Variants in PPARGC1A observed in about 807,000 individuals in gnomAD.
The protein encoded by PPARGC1A is peroxisome proliferator-activated receptor gamma coactivator 1-alpha.
Under a neutral mutation model 88.7 loss-of-function variants are expected in PPARGC1A, and 25 were observed. That is an observed-to-expected ratio of 0.28 (90% CI 0.21 to 0.39). The LOEUF (loss-of-function observed/expected upper bound fraction) is 0.39. PPARGC1A is among the 10% of genes least tolerant of loss of function. The probability of loss-of-function intolerance (pLI) is 1.00; values close to 1 mark genes in which losing one functional copy is unlikely to be tolerated. For missense variants in PPARGC1A, 880 were observed against 968.7 expected (o/e 0.91, Z 1.22); for synonymous variants, 363 against 355.6 (o/e 1.02, Z -0.24).
At chr4:23,937,876 A>G in the PPARGC1A span, among the ~76,000 whole-genome samples, 5 of 152,272 alleles carry the variant, frequency 3.3e-5, no homozygotes, top group East Asian at 9.7e-4. Context: ...CAATTATACG[A>G]CTTCTCATTA....
chr4:23,976,419 G>A, the PPARGC1A span, among the ~76,000 whole-genome samples: 2 of 152,162 alleles, frequency 1.3e-5, no homozygotes, highest in East Asian at 3.9e-4. Flanking sequence ...TCTTGGAAGT[G>A]AAGTGTATAA....
the PPARGC1A span, among the ~76,000 whole-genome samples, chr4:24,043,994 T>C: frequency 6.6e-6 from 1 of 152,204 alleles, no homozygotes; most frequent in African/African-American, 2.4e-5. Context: ...CTTCTGAGTA[T>C]ATCATCCATG....
chr4:24,245,163 C>T, the PPARGC1A span, among the ~76,000 whole-genome samples: 8 of 152,206 alleles, frequency 5.3e-5, no homozygotes, highest in East Asian at 5.8e-4. Flanking sequence ...TCATGAATAA[C>T]GCAATGTGCT....
chr4:24,333,454 T>C, the PPARGC1A span, among the ~76,000 whole-genome samples: 1 of 152,280 alleles, frequency 6.6e-6, no homozygotes, highest in African/African-American at 2.4e-5. Context: ...TTCCTAATCA[T>C]TTTATAATTC....
chr4:24,454,077 C>A, the PPARGC1A span, among the ~76,000 whole-genome samples: 1 of 151,822 alleles, frequency 6.6e-6, no homozygotes, highest in African/African-American at 2.4e-5. Context: ...TAAGCCTGGG[C>A]TAGCTTACTG....
the PPARGC1A span, among the ~76,000 whole-genome samples, chr4:24,418,411 T>C: frequency 2.0e-5 from 3 of 152,208 alleles, no homozygotes; most frequent in Admixed American, 6.5e-5. Context: ...AACAAATGTA[T>C]ACTGAAGTCC....
At chr4:23,917,552 T>C in the PPARGC1A span, among the ~76,000 whole-genome samples, 1 of 151,488 alleles carries the variant, frequency 6.6e-6, no homozygotes, top group Non-Finnish European at 1.5e-5. Flanking sequence ...CTTGATCTCC[T>C]GACCTCGTGA....
the PPARGC1A span, among the ~76,000 whole-genome samples, chr4:24,064,189 A>C: frequency 6.6e-6 from 1 of 152,194 alleles, no homozygotes; most frequent in Non-Finnish European, 1.5e-5. Context: ...AAAAACTTAG[A>C]AGAGGAATTC....
chr4:23,839,728 G>C (rs567747958), intron 2 of PPARGC1A, among the ~76,000 whole-genome samples: 1 of 152,094 alleles, frequency 6.6e-6, no homozygotes, highest in Non-Finnish European at 1.5e-5. Context: ...GTTCCACGTG[G>C]GTGGGAGGCC....
chr4:24,301,868 A>C, the PPARGC1A span, among the ~76,000 whole-genome samples: 1 of 152,122 alleles, frequency 6.6e-6, no homozygotes, highest in Non-Finnish European at 1.5e-5. Flanking sequence ...AATCTAACAC[A>C]GTACTGAGCA....
At chr4:23,988,948 AATAT>A in the PPARGC1A span, among the ~76,000 whole-genome samples, 1 of 147,598 alleles carries the variant, frequency 6.8e-6, no homozygotes, top group African/African-American at 2.5e-5. Flanking sequence ...TAATATATAA[AATAT>A]ATACTATATG....
At chr4:24,439,121 T>C in the PPARGC1A span, among the ~76,000 whole-genome samples, 1 of 152,134 alleles carries the variant, frequency 6.6e-6, no homozygotes, top group Non-Finnish European at 1.5e-5. Flanking sequence ...TTCTGCAGTT[T>C]GGAAAGCACA....
the PPARGC1A span, among the ~76,000 whole-genome samples, chr4:24,360,164 A>C: frequency 1.3e-5 from 2 of 152,284 alleles, no homozygotes; most frequent in Admixed American, 1.3e-4. Flanking sequence ...CTCTCCCCTG[A>C]ATTGGAGCAA....
the PPARGC1A span, among the ~76,000 whole-genome samples, chr4:24,121,299 T>C: frequency 6.6e-6 from 1 of 152,146 alleles, no homozygotes; most frequent in Non-Finnish European, 1.5e-5. Flanking sequence ...CACGCCTGTT[T>C]TTCAAACAAG....
At chr4:24,248,118 CTCTTT>C in the PPARGC1A span, among the ~76,000 whole-genome samples, 3 of 152,098 alleles carry the variant, frequency 2.0e-5, no homozygotes, top group Non-Finnish European at 2.9e-5. Flanking sequence ...GTATTTCTTT[CTCTTT>C]TTTCTTTTTT....
At chr4:24,350,258 G>T in the PPARGC1A span, among the ~76,000 whole-genome samples, 1 of 152,172 alleles carries the variant, frequency 6.6e-6, no homozygotes, top group African/African-American at 2.4e-5. Context: ...GTCCGTCTTG[G>T]CCTCCCAAAG....
At chr4:24,104,163 G>C in the PPARGC1A span, among the ~76,000 whole-genome samples, 1 of 152,180 alleles carries the variant, frequency 6.6e-6, no homozygotes, top group Non-Finnish European at 1.5e-5. Flanking sequence ...GTTGAGTTCC[G>C]CTAGTGAGAT....
chr4:24,459,271 C>G, the PPARGC1A span, among the ~76,000 whole-genome samples: 1 of 152,132 alleles, frequency 6.6e-6, no homozygotes, highest in African/African-American at 2.4e-5. Flanking sequence ...GGAAATGGCT[C>G]TGCCCATCTA....
chr4:23,805,778 A>C (rs1458021698), intron 10 of PPARGC1A, among the ~76,000 whole-genome samples: 1 of 152,078 alleles, frequency 6.6e-6, no homozygotes, highest in African/African-American at 2.4e-5. Context: ...TACTGTATAG[A>C]GAGGAGGGGG....
Sources: allele counts gnomAD v4.1 joint callset (sites outside exome capture counted in the v4.1 genomes callset), GRCh38; gene constraint gnomAD v4.1.1; transcripts MANE v1.5; gene names NCBI Gene and HGNC (gene_info 2026-07-23, HGNC 2026-07-21).